Variants in PBX3 observed in about 807,000 individuals in gnomAD.
The protein encoded by PBX3 is PBX homeobox 3, also known as pre-B-cell leukemia transcription factor 3.
Under a neutral mutation model 48.5 loss-of-function variants are expected in PBX3, and 14 were observed. The ratio of observed to expected loss-of-function variants is 0.29; its 90% CI spans 0.19 to 0.45. The LOEUF is 0.45. PBX3 is among the 20% of genes least tolerant of loss of function. The pLI, the probability that PBX3 is intolerant of heterozygous loss-of-function variation, is 1.00. For synonymous variants in PBX3, 210 were observed against 200.3 expected, an observed-to-expected ratio of 1.05 and a Z score of -0.41; for missense variants, 386 against 546.7, an observed-to-expected ratio of 0.71 and a Z score of 2.93.
chr9:125,850,611 G>A (rs550575278), intron 2 of PBX3, among the ~76,000 whole-genome samples: 64 of 152,074 alleles, frequency 4.2e-4, no homozygotes, highest in Non-Finnish European at 6.9e-4. Context: ...TTTACATTAA[G>A]AAATTAGAAA....
intron 2 of PBX3, among the ~76,000 whole-genome samples, chr9:125,803,171 G>A (rs1290391172): frequency 7.1e-6 from 1 of 140,412 alleles, no homozygotes; most frequent in Non-Finnish European, 1.5e-5. Context: ...TCCCCTCACT[G>A]CAAACTGCCT....
At chr9:125,956,892 G>T (rs904706014) in intron 5 of PBX3, among the ~76,000 whole-genome samples, 1 of 152,144 alleles carries the variant, frequency 6.6e-6, no homozygotes, top group Non-Finnish European at 1.5e-5. Context: ...CATGCACTGC[G>T]CATGCAGCCT....
chr9:125,911,482 A>G (rs772983663), intron 2 of PBX3, among the ~76,000 whole-genome samples: 8 of 152,188 alleles, frequency 5.3e-5, no homozygotes, highest in East Asian at 1.9e-4. Context: ...TAACAGACAC[A>G]AAAGAAAAGC....
intron 2 of PBX3, among the ~76,000 whole-genome samples, chr9:125,824,970 A>G (rs1272979290): frequency 6.6e-6 from 1 of 152,160 alleles, no homozygotes; most frequent in South Asian, 2.1e-4. Flanking sequence ...ATCTCTTTCC[A>G]TACCACATTT....
intron 4 of PBX3, among the ~76,000 whole-genome samples, chr9:125,932,128 T>G (rs1564179156): frequency 6.6e-6 from 1 of 152,324 alleles, no homozygotes; most frequent in East Asian, 1.9e-4. Context: ...CACAACAAAC[T>G]GTCTCTCTAA....
At chr9:125,950,411 G>C (rs1249251600) in intron 5 of PBX3, among the ~76,000 whole-genome samples, 1 of 151,794 alleles carries the variant, frequency 6.6e-6, no homozygotes, top group Admixed American at 6.6e-5. Flanking sequence ...CTATTTGTTC[G>C]GTTCTCCCAT....
intron 4 of PBX3, among the ~76,000 whole-genome samples, chr9:125,934,013 C>T (rs991783810): frequency 1.3e-5 from 2 of 152,126 alleles, no homozygotes; most frequent in Non-Finnish European, 2.9e-5. Flanking sequence ...TGTCTTCGTT[C>T]CGTTCCTTCC....
intron 1 of PBX3, chr9:125,748,201 CT>C: frequency 1.0e-6 from 1 of 994,942 alleles, no homozygotes; most frequent in Non-Finnish European, 1.2e-6. Context: ...CCGGCCTCCT[CT>C]GCACAGGAGC....
At chr9:125,844,165 A>T (rs1028776803) in intron 2 of PBX3, among the ~76,000 whole-genome samples, 1 of 152,014 alleles carries the variant, frequency 6.6e-6, no homozygotes, top group Non-Finnish European at 1.5e-5. Flanking sequence ...GTTTTTAAGG[A>T]AGTTTTCTAT....
intron 2 of PBX3, among the ~76,000 whole-genome samples, chr9:125,878,787 T>G (rs1470608562): frequency 6.6e-6 from 1 of 152,216 alleles, no homozygotes. Context: ...AACCTCACAC[T>G]AAGTTACAGG....
At chr9:125,914,423 A>G (rs1841277723) in intron 2 of PBX3, among the ~76,000 whole-genome samples, 2 of 152,232 alleles carry the variant, frequency 1.3e-5, no homozygotes, top group South Asian at 2.1e-4. Context: ...CTGTCATGCC[A>G]TGGATGTAAT....
At chr9:125,918,992 T>A (rs756710903) in intron 3 of PBX3, among the ~76,000 whole-genome samples, 4 of 152,102 alleles carry the variant, frequency 2.6e-5, no homozygotes, top group Non-Finnish European at 5.9e-5. Flanking sequence ...GAGGAGAAAA[T>A]GAGACTCAGA....
intron 2 of PBX3, among the ~76,000 whole-genome samples, chr9:125,837,191 T>C (rs1367487326): frequency 6.6e-6 from 1 of 152,074 alleles, no homozygotes; most frequent in Non-Finnish European, 1.5e-5. Context: ...ATGCAGCCTG[T>C]CAAAGAGAAT....
At chr9:125,855,500 T>C (rs1482585269) in intron 2 of PBX3, among the ~76,000 whole-genome samples, 1 of 152,154 alleles carries the variant, frequency 6.6e-6, no homozygotes, top group Non-Finnish European at 1.5e-5. Context: ...TGACTTACTT[T>C]CTTCAAGGTA....
At chr9:125,929,884 G>A (rs376119253) in intron 4 of PBX3, 39 bp downstream of exon 4, 212 of 1,431,796 alleles carry the variant, frequency 1.5e-4, no homozygotes, top group Middle Eastern at 8.8e-4. Context: ...GCTTTCCCCC[G>A]TCTGTCACTC....
intron 2 of PBX3, among the ~76,000 whole-genome samples, chr9:125,861,300 AAATAAT>A (rs368338583): frequency 5.7e-5 from 8 of 140,428 alleles, no homozygotes; most frequent in South Asian, 2.2e-4. Flanking sequence ...CCCTGTCTCC[AAATAAT>A]AATAATAATA....
intron 5 of PBX3, chr9:125,949,438 G>C: frequency 1.3e-6 from 2 of 1,550,696 alleles, no homozygotes; most frequent in Non-Finnish European, 1.7e-6. Context: ...GCCAACTAGC[G>C]TGGTAAGTAT....
At chr9:125,831,247 A>G (rs371219187) in intron 2 of PBX3, among the ~76,000 whole-genome samples, 31 of 152,148 alleles carry the variant, frequency 2.0e-4, no homozygotes, top group African/African-American at 5.1e-4. Context: ...ACTTTTTGCA[A>G]TGCTAAGACT....
chr9:125,947,211 CA>C (rs1397324658), intron 5 of PBX3, among the ~76,000 whole-genome samples: 3 of 151,858 alleles, frequency 2.0e-5, no homozygotes, highest in Non-Finnish European at 4.4e-5. Flanking sequence ...ATTACAGATA[CA>C]GGGGAGGAGA....
Sources: gnomAD v4.1 joint callset for allele counts (sites outside exome capture counted in the v4.1 genomes callset) on GRCh38, gnomAD v4.1.1 for gene constraint, MANE v1.5 for transcripts, NCBI Gene and HGNC (gene_info 2026-07-23, HGNC 2026-07-21) for gene names.